The following FSTL5 variants were observed in gnomAD, a reference collection of about 807,000 sequenced individuals.
The protein encoded by FSTL5 is follistatin like 5, also known as follistatin-related protein 5.
A neutral mutation model predicts 89.1 loss-of-function variants in FSTL5; 62 were observed. The observed-to-expected ratio is 0.70, with a 90% CI of 0.57 to 0.86. The LOEUF is 0.86. FSTL5 is among the 40% of genes least tolerant of loss of function. The probability of loss-of-function intolerance (pLI) is 0.00; values close to 1 mark genes in which losing one functional copy is unlikely to be tolerated. For synonymous variants in FSTL5, 383 were observed against 346.2 expected, an observed-to-expected ratio of 1.11 and a Z score of -1.18; for missense variants, 1,057 against 1,001.6, an observed-to-expected ratio of 1.06 and a Z score of -0.75.
chr4:161,745,150 A>G (rs957177009), intron 6 of FSTL5, among the ~76,000 whole-genome samples: 2 of 152,098 alleles, frequency 1.3e-5, no homozygotes, highest in African/African-American at 4.8e-5. Flanking sequence ...ATTGAAGCTG[A>G]TAAGTCCCAC....
chr4:162,139,113 A>G (rs1238706560), intron 1 of FSTL5, among the ~76,000 whole-genome samples: 1 of 151,964 alleles, frequency 6.6e-6, no homozygotes, highest in Non-Finnish European at 1.5e-5. Flanking sequence ...ATTCTGGGGT[A>G]CATGTACAGG....
At chr4:162,127,654 GTT>G (rs1413707650) in intron 1 of FSTL5, among the ~76,000 whole-genome samples, 10 of 152,042 alleles carry the variant, frequency 6.6e-5, no homozygotes, top group African/African-American at 2.4e-4. Flanking sequence ...GCATTCATGA[GTT>G]TTGTTACATG....
intron 4 of FSTL5, among the ~76,000 whole-genome samples, chr4:161,863,010 C>T (rs1320999539): frequency 2.0e-5 from 3 of 152,066 alleles, no homozygotes; most frequent in African/African-American, 7.2e-5. Context: ...TAAAATAATA[C>T]TTAAACATAT....
At chr4:161,498,830 T>C (rs1267998735) in intron 12 of FSTL5, among the ~76,000 whole-genome samples, 3 of 152,194 alleles carry the variant, frequency 2.0e-5, no homozygotes, top group Non-Finnish European at 4.4e-5. Context: ...TTCATGTGCT[T>C]ATGTATTACA....
intron 15 of FSTL5, among the ~76,000 whole-genome samples, chr4:161,412,508 G>T (rs563104777): frequency 6.6e-6 from 1 of 152,014 alleles, no homozygotes; most frequent in African/African-American, 2.4e-5. Flanking sequence ...CGTGGGGTAG[G>T]GGGATAGGGG....
intron 5 of FSTL5, among the ~76,000 whole-genome samples, chr4:161,772,170 A>G (rs1452665346): frequency 6.6e-6 from 1 of 152,092 alleles, no homozygotes; most frequent in South Asian, 2.1e-4. Context: ...TGGACTAACT[A>G]TAGAATGTGT....
At chr4:161,440,778 G>A (rs563254189) in intron 15 of FSTL5, among the ~76,000 whole-genome samples, 66 of 152,180 alleles carry the variant, frequency 4.3e-4, no homozygotes, top group Non-Finnish European at 7.2e-4. Flanking sequence ...TTCAACCCTC[G>A]ATGCTGTTTT....
At chr4:161,736,985 A>G (rs779449798) in intron 6 of FSTL5, among the ~76,000 whole-genome samples, 23 of 152,126 alleles carry the variant, frequency 1.5e-4, no homozygotes, top group Non-Finnish European at 3.2e-4. Context: ...GTAGATTGCC[A>G]CATGTTGAGT....
chr4:162,030,143 C>A (rs79709820), intron 3 of FSTL5, among the ~76,000 whole-genome samples: 14,886 of 152,058 alleles, frequency 0.098, 855 homozygotes, highest in Non-Finnish European at 0.13. Context: ...TGGTCTTGAA[C>A]TCCTGACCTC....
At chr4:161,495,123 T>C (rs1471475805) in intron 12 of FSTL5, 1 of 152,036 alleles carries the variant, frequency 6.6e-6, no homozygotes, top group Middle Eastern at 3.1e-3. Flanking sequence ...TTCCACAATA[T>C]AAGACATATG....
At chr4:161,558,129 T>G (rs1490298939) in intron 8 of FSTL5, among the ~76,000 whole-genome samples, 4 of 151,926 alleles carry the variant, frequency 2.6e-5, no homozygotes, top group Non-Finnish European at 5.9e-5. Flanking sequence ...AAAAACGTTT[T>G]ATAAAACAAT....
rs1200340272 is a variant in FSTL5 at position 161,706,254 on chromosome 4, G to GA, written c.728-49761dup. 5.9e-5 allele frequency among the ~76,000 whole-genome samples: 9 copies of GA among 151,556 alleles called. No individual in the cohort carries two copies. In the Admixed American group the frequency reaches 5.9e-4, roughly 10 times the overall value. ...TCTATTAGCCTGTAGTAAGCAGGAG[G>GA]AAGCCACTGTCTGTATGCTTTAAAT... On this transcript the variant is annotated intron_variant, in intron 6 of 15. Coordinates refer to ENST00000306100, the MANE Select transcript of FSTL5 (RefSeq NM_020116.5).
At chr4:161,623,735 C>G (rs1735219348) in intron 7 of FSTL5, among the ~76,000 whole-genome samples, 1 of 151,766 alleles carries the variant, frequency 6.6e-6, no homozygotes, top group African/African-American at 2.4e-5. Context: ...TACTTCAAAT[C>G]AGTGATAAAT....
chr4:161,693,740 G>T (rs559102196), intron 6 of FSTL5, among the ~76,000 whole-genome samples: 1 of 142,094 alleles, frequency 7.0e-6, no homozygotes, highest in African/African-American at 2.6e-5. Flanking sequence ...CCGGGTTCAC[G>T]CCATTCTCCT....
At chr4:161,533,073 A>G (rs1430674936) in intron 10 of FSTL5, among the ~76,000 whole-genome samples, 2 of 152,046 alleles carry the variant, frequency 1.3e-5, no homozygotes, top group African/African-American at 4.8e-5. Flanking sequence ...TTGCTGCTTA[A>G]GCAGTGTTAA....
chr4:162,161,063 A>C (rs543610359), intron 1 of FSTL5, among the ~76,000 whole-genome samples: 396 of 152,018 alleles, frequency 2.6e-3, no homozygotes, highest in Non-Finnish European at 4.3e-3. Flanking sequence ...TATATAATTA[A>C]ATTATTTTGA....
intron 3 of FSTL5, among the ~76,000 whole-genome samples, chr4:161,993,743 G>A (rs1736206794): frequency 6.8e-6 from 1 of 147,734 alleles, no homozygotes; most frequent in Non-Finnish European, 1.5e-5. Flanking sequence ...GGGAAGTGAA[G>A]GTTAATATGA....
intron 2 of FSTL5, among the ~76,000 whole-genome samples, chr4:162,057,116 G>A (rs1464976160): frequency 6.6e-6 from 1 of 152,206 alleles, no homozygotes; most frequent in African/African-American, 2.4e-5. Context: ...CAGCTGGAGC[G>A]TGTGGCCCAT....
chr4:161,843,199 G>A (rs1375219822), intron 4 of FSTL5, among the ~76,000 whole-genome samples: 1 of 152,140 alleles, frequency 6.6e-6, no homozygotes, highest in Non-Finnish European at 1.5e-5. Flanking sequence ...GTGATAGCAT[G>A]ATGCCTCCAG....
Sources: gnomAD v4.1 joint callset for allele counts (sites outside exome capture counted in the v4.1 genomes callset) on GRCh38, gnomAD v4.1.1 for gene constraint, MANE v1.5 for transcripts, NCBI Gene and HGNC (gene_info 2026-07-23, HGNC 2026-07-21) for gene names.